Variants in APBA2 observed in about 807,000 individuals in gnomAD.
APBA2 encodes amyloid beta precursor protein binding family A member 2, also known as amyloid-beta A4 precursor protein-binding family A member 2.
Under a neutral mutation model 75.0 loss-of-function variants are expected in APBA2, and 30 were observed. The ratio of observed to expected loss-of-function variants is 0.40; its 90% confidence interval spans 0.30 to 0.54. APBA2 has a LOEUF of 0.54. APBA2 is among the 20% of genes least tolerant of loss of function. APBA2 has a pLI of 0.49. For synonymous variants in APBA2, 444 were observed against 409.6 expected (o/e 1.08, Z -1.01); for missense variants, 801 against 1,016.1 (o/e 0.79, Z 2.88).
intron 6 of APBA2, among the ~76,000 whole-genome samples, chr15:29,089,073 C>G (rs1260806440): frequency 6.6e-6 from 1 of 152,208 alleles, no homozygotes; most frequent in African/African-American, 2.4e-5. Flanking sequence ...TTCCCAGGGC[C>G]ATAGCCTCCC....
intron 2 of APBA2, among the ~76,000 whole-genome samples, chr15:28,984,889 A>G (rs978135178): frequency 1.1e-4 from 11 of 100,372 alleles, no homozygotes; most frequent in East Asian, 2.8e-4. Context: ...CCCCACTGCC[A>G]TCTCTGGGGG....
rs368080664 is a variant in APBA2 at position 29,074,894 on chromosome 15, C to A, written c.952-27C>A. 3.1e-6 allele frequency: 5 copies of A among 1,609,880 alleles called. No individual in the cohort carries two copies. The African/African-American group carries it at 6.7e-5, about 22-fold the overall frequency. On this transcript the variant is annotated intron_variant, in intron 4 of 14. Transcript: ENST00000683413. Reference sequence around the variant, plus strand: ...CTTGCATTTCTCTAACATATAAAATCACGATCTTTAACTTCCCCGTTTCCA... The same window carrying A: ...CTTGCATTTCTCTAACATATAAAATAACGATCTTTAACTTCCCCGTTTCCA...
intron 9 of APBA2, among the ~76,000 whole-genome samples, chr15:29,100,635 A>C (rs980769631): frequency 1.3e-4 from 20 of 152,240 alleles, no homozygotes; most frequent in Admixed American, 1.1e-3. Flanking sequence ...CTTTTGACCC[A>C]GGCCCAGGCT....
intron 3 of APBA2, among the ~76,000 whole-genome samples, chr15:28,996,066 A>C (rs987692585): frequency 6.6e-6 from 1 of 152,056 alleles, no homozygotes; most frequent in African/African-American, 2.4e-5. Flanking sequence ...ACCCAATGAC[A>C]ACACAGCAAG....
At chr15:29,011,208 A>G (rs2039387193) in intron 3 of APBA2, among the ~76,000 whole-genome samples, 1 of 152,200 alleles carries the variant, frequency 6.6e-6, no homozygotes, top group South Asian at 2.1e-4. Flanking sequence ...TGTGGTATGA[A>G]TAGACCACAT....
At chr15:28,891,759 A>G (rs2032145085) in intron 1 of APBA2, among the ~76,000 whole-genome samples, 1 of 152,188 alleles carries the variant, frequency 6.6e-6, no homozygotes, top group Non-Finnish European at 1.5e-5. Context: ...GGAGAACACT[A>G]TTGACATTTG....
intron 1 of APBA2, among the ~76,000 whole-genome samples, chr15:28,916,184 C>T (rs1326084223): frequency 1.3e-5 from 2 of 152,218 alleles, no homozygotes; most frequent in African/African-American, 2.4e-5. Context: ...GGCGTGCTTA[C>T]GTCCTGGTCT....
At chr15:28,960,148 CAAAA>C (rs59345963) in intron 2 of APBA2, among the ~76,000 whole-genome samples, 35 of 93,184 alleles carry the variant, frequency 3.8e-4, no homozygotes, top group Admixed American at 3.3e-3. Context: ...GACCTTGTTT[CAAAA>C]AAAAAAAAAA....
At chr15:29,040,888 T>C (rs895336231) in intron 3 of APBA2, among the ~76,000 whole-genome samples, 1 of 152,188 alleles carries the variant, frequency 6.6e-6, no homozygotes, top group African/African-American at 2.4e-5. Context: ...AAAAGGCAAT[T>C]AACAAATGTC....
At chr15:29,105,240 T>G in intron 10 of APBA2, 139 bp from the exon 11 acceptor site, 1 of 811,608 alleles carries the variant, frequency 1.2e-6, no homozygotes, top group Non-Finnish European at 1.9e-6. Flanking sequence ...TTCTTTCTTG[T>G]TCTTCTAAGC....
chr15:29,045,808 C>T (rs1478455040), intron 3 of APBA2, among the ~76,000 whole-genome samples: 1 of 152,160 alleles, frequency 6.6e-6, no homozygotes, highest in Non-Finnish European at 1.5e-5. Flanking sequence ...CAGAGCAAAA[C>T]AGATTGTAGT....
chr15:28,975,674 C>T (rs557559764), intron 2 of APBA2, among the ~76,000 whole-genome samples: 3 of 152,292 alleles, frequency 2.0e-5, no homozygotes, highest in South Asian at 2.1e-4. Context: ...AAACTGCTTT[C>T]GCATGATGGG....
intron 1 of APBA2, among the ~76,000 whole-genome samples, chr15:28,895,344 G>A (rs1209941959): frequency 6.6e-6 from 1 of 152,140 alleles, no homozygotes; most frequent in African/African-American, 2.4e-5. Context: ...CTGGTCCTGC[G>A]TCAGGAGAGG....
intron 13 of APBA2, among the ~76,000 whole-genome samples, chr15:29,109,172 T>C (rs1046513947): frequency 6.6e-6 from 1 of 151,760 alleles, no homozygotes; most frequent in Non-Finnish European, 1.5e-5. Flanking sequence ...TTTGTGGAGG[T>C]GATGGGGAGG....
intron 4 of APBA2, among the ~76,000 whole-genome samples, chr15:29,058,308 C>T (rs148704411): frequency 3.1e-4 from 47 of 152,106 alleles, no homozygotes; most frequent in African/African-American, 1.1e-3. Context: ...GTCAGGAGTT[C>T]GAGACCAGCC....
At chr15:28,951,420 A>T (rs2152723424) in intron 2 of APBA2, among the ~76,000 whole-genome samples, 1 of 152,204 alleles carries the variant, frequency 6.6e-6, no homozygotes, top group Non-Finnish European at 1.5e-5. Context: ...TTCTGCAAGG[A>T]TCCCTGCCTT....
At position 29,117,157 on chromosome 15, in the gene APBA2, C is replaced by T; in HGVS notation, c.*24C>T. The T allele has an allele frequency of 6.2e-7, 1 of 1,611,458 alleles. No homozygotes were observed. Among genetic ancestry groups the T allele is most frequent in the Non-Finnish European group, 8.5e-7 (1 of 1,178,676 alleles). On this transcript the variant is annotated 3_prime_UTR_variant, in exon 15 of 15. Coordinates refer to ENST00000683413, the MANE Select transcript of APBA2 (RefSeq NM_001353788.2). ...AGGCCACCCCAGCCTGGCCACGCAGCCAGGACACCGGGCAGGGCCGCCCGG... is the reference window on the plus strand; with the variant it reads ...AGGCCACCCCAGCCTGGCCACGCAGTCAGGACACCGGGCAGGGCCGCCCGG...
At chr15:28,915,485 C>T (rs1356319404) in intron 1 of APBA2, among the ~76,000 whole-genome samples, 1 of 147,664 alleles carries the variant, frequency 6.8e-6, no homozygotes, top group Non-Finnish European at 1.5e-5. Context: ...ATACACACCC[C>T]ATACACACCA....
chr15:28,962,907 A>G (rs547024560), intron 2 of APBA2, among the ~76,000 whole-genome samples: 1 of 152,330 alleles, frequency 6.6e-6, no homozygotes, highest in African/African-American at 2.4e-5. Flanking sequence ...CTTTGCATAC[A>G]GATATATCAG....
Sources: allele counts gnomAD v4.1 joint callset (sites outside exome capture counted in the v4.1 genomes callset), GRCh38; gene constraint gnomAD v4.1.1; transcripts MANE v1.5; gene names NCBI Gene and HGNC (gene_info 2026-07-23, HGNC 2026-07-21).